CLTC: variants seen among roughly 807,000 people sequenced by gnomAD.
CLTC encodes the protein clathrin heavy chain, also known as clathrin heavy chain 1.
Under a neutral mutation model 195.8 loss-of-function variants are expected in CLTC, and 16 were observed. That is an observed-to-expected ratio of 0.08 (90% confidence interval 0.06 to 0.12). The LOEUF (loss-of-function observed/expected upper bound fraction) is 0.12. CLTC is among the 10% of genes least tolerant of loss of function. CLTC has a pLI of 1.00. For missense variants in CLTC, 796 were observed against 2,027.0 expected (o/e 0.39, Z 11.66); for synonymous variants, 667 against 689.4 (o/e 0.97, Z 0.51).
chr17:59,627,174 T>A (rs1026349190), intron 1 of CLTC, among the ~76,000 whole-genome samples: 2 of 152,212 alleles, frequency 1.3e-5, no homozygotes, highest in African/African-American at 4.8e-5. Flanking sequence ...GTGCTGAAAT[T>A]ACAAGTGTGA....
At chr17:59,654,088 C>T (rs2032401170) in intron 5 of CLTC, among the ~76,000 whole-genome samples, 1 of 152,044 alleles carries the variant, frequency 6.6e-6, no homozygotes, top group South Asian at 2.1e-4. Context: ...TGGTCTTAAA[C>T]TCCTGGCCTT....
Position 59,639,490 on chromosome 17 carries a change from A to G in CLTC, c.43-4786A>G, listed in dbSNP as rs1460812993. On this transcript the variant is annotated intron_variant, in intron 1 of 31. Coordinates refer to ENST00000269122, the MANE Select transcript of CLTC (RefSeq NM_004859.4). ...TTCCAAGCATATGTTAAAATAGGAT[A>G]TCTCCAGCTTCAACACTAATGGCAT... 2.6e-5 allele frequency among the ~76,000 whole-genome samples: 4 copies of G among 152,214 alleles called. No individual in the cohort carries two copies. In the South Asian group the frequency reaches 8.3e-4, roughly 32 times the overall value.
In CLTC at chr17:59,696,012, A is replaced by AGAT. The variant is rs2033414410; in HGVS notation, c.*2161_*2163dup. 4.8e-6 allele frequency: 1 copy of AGAT among 206,960 alleles called. No individual in the cohort carries two copies. Among genetic ancestry groups the AGAT allele is most frequent in the Admixed American group, 5.9e-5 (1 of 16,842 alleles). 12.8% of individuals were successfully genotyped at this position (206,960 alleles called of 1,614,324 possible). A position where few individuals can be genotyped will look rare whatever the true frequency, so the allele number is the denominator to read the frequency against. On this transcript the variant is annotated 3_prime_UTR_variant, in exon 32 of 32. Coordinates refer to ENST00000269122, the MANE Select transcript of CLTC (RefSeq NM_004859.4). ...GAATTTTCATAGTATTCCTTTTAGT[A>AGAT]GATATGCCATGACAGTTACTTAGCC...
chr17:59,670,001 A>AT (rs1307564008), intron 14 of CLTC, among the ~76,000 whole-genome samples: 1 of 152,176 alleles, frequency 6.6e-6, no homozygotes, highest in Non-Finnish European at 1.5e-5. Flanking sequence ...ACTGCTCTAC[A>AT]TTTTAGATTA....
chr17:59,684,811 AAAAAG>A (rs1374953523), intron 28 of CLTC, among the ~76,000 whole-genome samples: 1 of 151,508 alleles, frequency 6.6e-6, no homozygotes, highest in Non-Finnish European at 1.5e-5. Context: ...CATCTCAAAA[AAAAAG>A]AAAAAAATCT....
At chr17:59,652,315 G>T (rs2032346511) in intron 5 of CLTC, among the ~76,000 whole-genome samples, 1 of 152,148 alleles carries the variant, frequency 6.6e-6, no homozygotes, top group African/African-American at 2.4e-5. Context: ...CTAGAATGAT[G>T]AATCCTTTCC....
chr17:59,644,529 G>GTTTTT (rs759247868), intron 2 of CLTC, 46 bp downstream of exon 2: 2 of 1,130,416 alleles, frequency 1.8e-6, no homozygotes, highest in African/African-American at 1.9e-5. Flanking sequence ...CTATGTTTTT[G>GTTTTT]TTTTTTTTTG....
intron 6 of CLTC, among the ~76,000 whole-genome samples, chr17:59,657,262 C>T (rs2032493607): frequency 6.6e-6 from 1 of 152,134 alleles, no homozygotes; most frequent in Non-Finnish European, 1.5e-5. Flanking sequence ...TGCTTTTGCT[C>T]TGTACTCCTA....
intron 1 of CLTC, among the ~76,000 whole-genome samples, chr17:59,628,274 T>G (rs2031608972): frequency 6.6e-6 from 1 of 152,230 alleles, no homozygotes; most frequent in Non-Finnish European, 1.5e-5. Flanking sequence ...ATCTATTGAT[T>G]ATGTCAGGTT....
In CLTC at chr17:59,655,930, C is replaced by G. The variant is rs2032454851; in HGVS notation, c.872C>G (p.Thr291Ser). Residue 291 changes from threonine to serine, a missense_variant, in exon 6 of 32, where the codon ACC (threonine) becomes AGC (serine). By Grantham distance (58) the Thr-to-Ser change is moderately conservative (BLOSUM62 1). This residue lies in a region of CLTC where 293 missense variants were observed against 795.6 expected (regional missense o/e 0.37). Transcript: ENST00000269122. Reference protein sequence around the residue: ...YIHLYDLETGTCIYMNRISGE... With the variant: ...YIHLYDLETGSCIYMNRISGE... ...CACCTCTATGATCTTGAGACTGGTA[C>G]CTGCATCTACATGAATAGAATCAGT... 1 of 1,612,160 alleles carries G rather than the reference C, an allele frequency of 6.2e-7. No homozygotes were observed. Among genetic ancestry groups the G allele is most frequent in the Non-Finnish European group, 8.5e-7 (1 of 1,179,348 alleles).
chr17:59,664,826 G>A lies in CLTC; in HGVS notation c.1561G>A (p.Val521Ile), dbSNP rs1461231562. The change falls in exon 10 of 32, where the codon GTA becomes ATA. Residue 521 changes from valine (V) to isoleucine (I), a missense_variant. Around this residue, in one of 9 missense-constraint regions of CLTC, gnomAD observed 293 missense variants for 795.6 expected, o/e 0.37. Transcript: ENST00000269122. The part of the protein sequence containing the change: ...TPDWIFLLRN[V>I]MRISPDQGQQ... ...AGATTGGATATTTCTGCTGAGAAAT[G>A]TAATGCGAATCAGTCCAGATCAGGG... is the stretch of plus-strand genomic sequence containing the variant. The A allele has an allele frequency of 1.9e-6, 3 of 1,614,054 alleles. No individual in the cohort carries two copies. The highest frequency in any genetic ancestry group is 2.5e-6 in the Non-Finnish European group (3 of 1,179,938).
At chr17:59,641,281 G>A (rs1464217951) in intron 1 of CLTC, among the ~76,000 whole-genome samples, 1 of 151,962 alleles carries the variant, frequency 6.6e-6, no homozygotes, top group East Asian at 1.9e-4. Flanking sequence ...GAGGCTGAGG[G>A]AGAGAGGAAA....
intron 9 of CLTC, among the ~76,000 whole-genome samples, chr17:59,664,413 C>G (rs1185113371): frequency 6.6e-6 from 1 of 151,652 alleles, no homozygotes; most frequent in African/African-American, 2.4e-5. Flanking sequence ...AGTAGCCAGG[C>G]GTGGTGGTGT....
chr17:59,656,063 A>G (rs746924298), intron 6 of CLTC, 36 bp downstream of exon 6: 2 of 1,563,736 alleles, frequency 1.3e-6, no homozygotes, highest in Non-Finnish European at 1.7e-6. Flanking sequence ...ATAAAATAAG[A>G]TAACCTGATG....
chr17:59,670,401 C>T (rs1302386939), intron 14 of CLTC, among the ~76,000 whole-genome samples: 2 of 151,774 alleles, frequency 1.3e-5, no homozygotes, highest in Non-Finnish European at 2.9e-5. Flanking sequence ...GGTATTAAGC[C>T]TACAACCCAT....
rs1423742947 is a variant in CLTC, at chr17:59,691,274, C to G, written c.4903+563C>G. On this transcript the variant is annotated intron_variant, in intron 31 of 31. Coordinates refer to ENST00000269122, the MANE Select transcript of CLTC (RefSeq NM_004859.4). ...TAGTTGGTGAACAGATTCATTTGAA[C>G]AATCACTTTGAAGAGTATAGGTAGA... is the stretch of plus-strand genomic sequence containing the variant. 2.0e-5 allele frequency among the ~76,000 whole-genome samples: 3 copies of G among 152,120 alleles called. No individual in the cohort carries two copies. The East Asian group carries it at 5.8e-4, about 29-fold the overall frequency.
intron 14 of CLTC, among the ~76,000 whole-genome samples, chr17:59,671,333 G>A (rs78213210): frequency 0.013 from 2,046 of 152,202 alleles, 39 homozygotes; most frequent in African/African-American, 0.046. Flanking sequence ...TTAACCTCCA[G>A]TACAGGGTTA....
At position 59,631,598 on chromosome 17, in the gene CLTC, C is replaced by G. The variant is rs146111473; in HGVS notation, c.42+11425C>G. ...ATACATAAACAATTGGTTCTGAAAT[C>G]AGTTAAGAGCAGAACTGGAATTCAT... On this transcript the variant is annotated intron_variant, in intron 1 of 31. Coordinates refer to ENST00000269122, the MANE Select transcript of CLTC (RefSeq NM_004859.4). Among the ~76,000 whole-genome samples the G allele has an allele frequency of 2.2e-3, 333 of 152,290 alleles. 3 individuals carry two copies. The highest frequency in any genetic ancestry group is 7.6e-3 in the African/African-American group (317 of 41,564).
At chr17:59,647,766 T>G in intron 3 of CLTC, 100 bp downstream of exon 3, 1 of 1,065,364 alleles carries the variant, frequency 9.4e-7, no homozygotes, top group Non-Finnish European at 1.4e-6. Flanking sequence ...TACTCAATCC[T>G]GTTGAATTTC....
Sources: gnomAD v4.1 joint callset for allele counts (sites outside exome capture counted in the v4.1 genomes callset) on GRCh38, gnomAD v4.1.1 for gene constraint, gnomAD v4.1.1 regional missense constraint, MANE v1.5 for transcripts, NCBI Gene and HGNC (gene_info 2026-07-23, HGNC 2026-07-21) for gene names.